SNAPC4: variants seen among roughly 807,000 people sequenced by gnomAD.
SNAPC4 encodes the protein snRNA-activating protein complex subunit 4.
A neutral mutation model predicts 151.3 loss-of-function variants in SNAPC4; 127 were observed. That is an observed-to-expected ratio of 0.84 (90% CI 0.73 to 0.97). SNAPC4 has a LOEUF of 0.97. Among genes scored for constraint, SNAPC4 ranks in the 50% least tolerant of loss-of-function variants. The probability of loss-of-function intolerance (pLI) is 0.00; values close to 1 mark genes in which losing one functional copy is unlikely to be tolerated. For missense variants in SNAPC4, 2,186 were observed against 1,935.0 expected (o/e 1.13, Z -2.43); for synonymous variants, 1,002 against 824.4 (o/e 1.22, Z -3.69).
intron 1 of SNAPC4, chr9:136,398,735 A>G (rs1588771721): frequency 3.4e-6 from 1 of 290,064 alleles, no homozygotes; most frequent in Admixed American, 4.7e-5. Context: ...GACAGGCCCC[A>G]CTGTCCCGTC....
At chr9:136,376,537 C>T (rs371079326) in intron 22 of SNAPC4, 56 bp from the exon 23 acceptor site, 11 of 1,602,180 alleles carry the variant, frequency 6.9e-6, no homozygotes, top group South Asian at 2.2e-5. Context: ...CCATGATGGA[C>T]GGGGAAGGGA....
At chr9:136,389,006 G>C (rs756274036) in intron 10 of SNAPC4, among the ~76,000 whole-genome samples, 1 of 152,168 alleles carries the variant, frequency 6.6e-6, no homozygotes, top group Non-Finnish European at 1.5e-5. Context: ...TCGAGCTCTA[G>C]AGTATCTCTC....
Position 136,380,864 on chromosome 9 carries a change from G to A in SNAPC4, c.2389-14C>T, listed in dbSNP as rs564216756. ...GATGTGGAACAGCTGCGGGACACAG[G>A]AGGCAACCTAACCATAGCTGCTTTC... On this transcript the variant is annotated splice_polypyrimidine_tract_variant and intron_variant, in intron 19 of 23. Coordinates refer to ENST00000684778, the MANE Select transcript of SNAPC4 (RefSeq NM_003086.4). 5 of 1,490,898 alleles carry A rather than the reference G, an allele frequency of 3.4e-6. No individual in the cohort carries two copies. The African/African-American group carries it at 4.1e-5, about 12-fold the overall frequency. 92.4% of individuals were successfully genotyped at this position (1,490,898 alleles called of 1,614,324 possible). A position where few individuals can be genotyped will look rare whatever the true frequency, so the allele number is the denominator to read the frequency against.
chr9:136,387,433 C>T (rs1266856951), intron 13 of SNAPC4, 52 bp downstream of exon 13: 1 of 1,305,476 alleles, frequency 7.7e-7, no homozygotes, highest in African/African-American at 1.4e-5. Flanking sequence ...CAGAGTGCAC[C>T]TGGTCAGTGA....
At chr9:136,384,461 T>C (rs529954546) in intron 14 of SNAPC4, among the ~76,000 whole-genome samples, 5 of 152,248 alleles carry the variant, frequency 3.3e-5, no homozygotes, top group South Asian at 2.1e-4. Context: ...TAAGGGGACA[T>C]TGCAAATATA....
In SNAPC4 at chr9:136,384,729, A is replaced by G. The variant is rs1433790749; in HGVS notation, c.1411T>C (p.Tyr471His). Residue 471 changes from tyrosine (Y) to histidine (H), a missense_variant, in exon 14 of 24, where the codon TAT becomes CAT. Tyr to His is a moderately conservative substitution (Grantham distance 83, BLOSUM62 2). Transcript: ENST00000684778. ...ACTGTCAGCAACTTACCGACACCAT[A>G]TTTTTCTATTAATTCAATTAACTGT... ...EEQLIELIEK[Y>H]GVGHWAKIAS... 14 of 1,514,372 alleles carry G rather than the reference A, an allele frequency of 9.2e-6. No homozygotes were observed. The highest frequency in any genetic ancestry group is 1.3e-5 in the Non-Finnish European group (14 of 1,105,006). 93.8% of individuals were successfully genotyped at this position (1,514,372 alleles called of 1,614,324 possible).
In SNAPC4 at chr9:136,377,977, G is replaced by A. The variant is rs761735838; in HGVS notation, c.3850C>T (p.Gln1284Ter). The stretch of plus-strand genomic sequence containing the variant: ...ACCCCCCGCTGGCCCCCCAGCCACT[G>A]CTGTGTGGCCGCCTCGCCCTCCTGG... Reference protein sequence around the residue: ...LSQEGEAATQQWLGGQRGVRV... With the variant: ...LSQEGEAATQ The change falls in exon 22 of 24, where the codon CAG becomes TAG. Residue 1284 changes from glutamine (Q) to a stop codon, truncating the protein, a stop_gained. Coordinates refer to ENST00000684778, the MANE Select transcript of SNAPC4 (RefSeq NM_003086.4). LOFTEE classifies it high-confidence loss of function. The A allele has an allele frequency of 1.6e-5, 26 of 1,604,174 alleles. No homozygotes were observed. Among genetic ancestry groups the A allele is most frequent in the Non-Finnish European group, 2.0e-5 (23 of 1,175,950 alleles).
chr9:136,392,397 G>A, intron 9 of SNAPC4, 125 bp downstream of exon 9: 1 of 994,968 alleles, frequency 1.0e-6, no homozygotes, highest in South Asian at 1.3e-5. Context: ...ACCCGGGTGG[G>A]TGGGGGGTCA....
chr9:136,398,566 A>G, intron 1 of SNAPC4, 129 bp from the exon 2 acceptor site: 1 of 1,020,654 alleles, frequency 9.8e-7, no homozygotes, highest in Non-Finnish European at 1.4e-6. Context: ...CTCCCCAGAG[A>G]AAGATTAATA....
chr9:136,378,653 G>T lies in SNAPC4; in HGVS notation c.3174C>A (p.Leu1058=). Residue 1058 remains leucine (L), a synonymous_variant, in exon 22 of 24, where the codon CTC becomes CTA. Coordinates refer to ENST00000684778, the MANE Select transcript of SNAPC4 (RefSeq NM_003086.4). ...GTGGCCCTCCTATGTGCGTCAGGCT[G>T]AGGGGCTGGACGGGCAGTGGGGTGG... is the stretch of plus-strand genomic sequence containing the variant. ...PSPTPLPVQP[L]SLTHIGGPHV... 1 of 1,527,258 alleles carries T rather than the reference G, an allele frequency of 6.5e-7. No homozygotes were observed. The allele number at this position is 1,527,258 out of a possible 1,614,324, so 94.6% of individuals were successfully genotyped here. A position where few individuals can be genotyped will look rare whatever the true frequency, so the allele number is the denominator to read the frequency against.
intron 1 of SNAPC4, among the ~76,000 whole-genome samples, chr9:136,398,981 G>A (rs1182467647): frequency 6.6e-6 from 1 of 152,250 alleles, no homozygotes; most frequent in Non-Finnish European, 1.5e-5. Context: ...GCTCCCAAAG[G>A]GAAGGCTGGC....
rs1475365973 is a variant in SNAPC4 at position 136,380,751 on chromosome 9, G to C, written c.2488C>G (p.His830Asp). 1.3e-6 allele frequency: 2 copies of C among 1,590,406 alleles called. No individual in the cohort carries two copies. Among genetic ancestry groups the C allele is most frequent in the Admixed American group, 3.3e-5 (2 of 59,874 alleles). ...PQAGARDPPV[H>D]LLQASSSAQS... ...CAAGTGCCTGCTACCTGCAGAAGAT[G>C]AACTGGTGGGTCCCGAGCACCAGCC... Residue 830 changes from histidine to aspartate, a missense_variant, in exon 20 of 24, where the codon CAT (histidine) becomes GAT (aspartate). Transcript: ENST00000684778.
At chr9:136,387,413 C>G (rs1261362005) in intron 13 of SNAPC4, 72 bp downstream of exon 13, 39 of 1,118,458 alleles carry the variant, frequency 3.5e-5, no homozygotes, top group Non-Finnish European at 5.3e-5. Context: ...AGCCCGCCCA[C>G]AGCCCACACC....
rs1347437185 is a variant in SNAPC4, at chr9:136,378,158, C to T, written c.3669G>A (p.Gly1223=). The change falls in exon 22 of 24, where the codon GGG becomes GGA. Residue 1223 remains glycine (G), a synonymous_variant. Transcript: ENST00000684778. ...TGGGCTCCTGTGTCCCTGAGGGGGA[C>T]CCCGGCGTCCCCCTTGGCTCAGTTG... ...IPATEPRGTP[G]SPSGTQEPRG... 10 of 1,610,512 alleles carry T rather than the reference C, an allele frequency of 6.2e-6. No homozygotes were observed. Among genetic ancestry groups the T allele is most frequent in the Non-Finnish European group, 8.5e-6 (10 of 1,179,350 alleles).
intron 10 of SNAPC4, among the ~76,000 whole-genome samples, chr9:136,389,920 G>A (rs1396307245): frequency 6.6e-6 from 1 of 152,212 alleles, no homozygotes; most frequent in Non-Finnish European, 1.5e-5. Context: ...AAAGAATCTG[G>A]CGGGGGAAAG....
intron 23 of SNAPC4, among the ~76,000 whole-genome samples, 184 bp downstream of exon 23, chr9:136,376,165 C>A (rs1193225330): frequency 6.6e-6 from 1 of 152,204 alleles, no homozygotes; most frequent in Non-Finnish European, 1.5e-5. Context: ...GGGTGGCCAG[C>A]AGGAAGGATG....
intron 10 of SNAPC4, among the ~76,000 whole-genome samples, chr9:136,391,475 A>C (rs73670248): frequency 0.01 from 1,582 of 152,314 alleles, 21 homozygotes; most frequent in African/African-American, 0.035. Context: ...TATGAGAAGA[A>C]GAGTTCACGC....
chr9:136,397,591 G>A (rs1466720998), intron 2 of SNAPC4, among the ~76,000 whole-genome samples: 3 of 128,608 alleles, frequency 2.3e-5, no homozygotes, highest in Non-Finnish European at 5.0e-5. Flanking sequence ...GGGAGCCTAT[G>A]GGGTGGGGAG....
rs1404395068 is a variant in SNAPC4 at position 136,392,667 on chromosome 9, C to A, written c.737+6G>T. The A allele has an allele frequency of 8.7e-6, 14 of 1,613,540 alleles. No homozygotes were observed. Among genetic ancestry groups the A allele is most frequent in the Non-Finnish European group, 1.1e-5 (13 of 1,179,784 alleles). On this transcript the variant is annotated splice_donor_region_variant and intron_variant, in intron 8 of 23. Coordinates refer to ENST00000684778, the MANE Select transcript of SNAPC4 (RefSeq NM_003086.4). ...CCCCTGGGCCCTCCCGGGAGGCCCCCCTCACTTGATGTCCTGGATCTCCTT... is the reference window on the plus strand; with the variant it reads ...CCCCTGGGCCCTCCCGGGAGGCCCCACTCACTTGATGTCCTGGATCTCCTT...
Sources: allele counts gnomAD v4.1 joint callset (sites outside exome capture counted in the v4.1 genomes callset), GRCh38; gene constraint gnomAD v4.1.1; transcripts MANE v1.5; gene names NCBI Gene and HGNC (gene_info 2026-07-23, HGNC 2026-07-21).